The following HYCC1 variants were observed in gnomAD, a reference collection of about 807,000 sequenced individuals.
HYCC1 encodes the protein hyccin.
At chr7:22,973,881 C>A in the HYCC1 span, among the ~76,000 whole-genome samples, 1 of 152,240 alleles carries the variant, frequency 6.6e-6, no homozygotes, top group East Asian at 1.9e-4. Flanking sequence ...GACACATGTT[C>A]TTTTCTAACT....
the HYCC1 span, among the ~76,000 whole-genome samples, chr7:23,013,445 G>C: frequency 2.0e-5 from 3 of 152,228 alleles, no homozygotes; most frequent in African/African-American, 7.2e-5. Flanking sequence ...TGGCGGCCTC[G>C]CCGAAGTAGA....
At chr7:22,928,057 G>T in the HYCC1 span, among the ~76,000 whole-genome samples, 2 of 152,060 alleles carry the variant, frequency 1.3e-5, no homozygotes, top group Non-Finnish European at 2.9e-5. Flanking sequence ...ACGTAATCCA[G>T]CATATAAACA....
At chr7:22,896,885 G>C in the HYCC1 span, among the ~76,000 whole-genome samples, 5 of 152,126 alleles carry the variant, frequency 3.3e-5, no homozygotes, top group African/African-American at 1.2e-4. Flanking sequence ...TAAGAGATGG[G>C]GATTAAGGGG....
the HYCC1 span, among the ~76,000 whole-genome samples, chr7:22,926,458 T>G: frequency 4.6e-4 from 70 of 152,128 alleles, no homozygotes; most frequent in African/African-American, 1.6e-3. Context: ...CAGAGACACA[T>G]ATAGGCTCAA....
chr7:22,922,105 A>G, the HYCC1 span, among the ~76,000 whole-genome samples: 1 of 152,008 alleles, frequency 6.6e-6, no homozygotes, highest in African/African-American at 2.4e-5. Flanking sequence ...AAAACAAAAA[A>G]TCAAACGGCA....
the HYCC1 span, among the ~76,000 whole-genome samples, chr7:22,905,386 ATTTTTTTTTTTTTTT>A: frequency 5.4e-4 from 24 of 44,470 alleles, no homozygotes; most frequent in East Asian, 0.014. Context: ...CTAATTTTGT[ATTTTTTTTTTTTTTT>A]TTTTTTTTTT....
chr7:23,009,814 G>A, the HYCC1 span, among the ~76,000 whole-genome samples: 3 of 152,044 alleles, frequency 2.0e-5, no homozygotes, highest in Non-Finnish European at 2.9e-5. Flanking sequence ...ATATCCAAAG[G>A]GCAAGCAAAC....
the HYCC1 span, among the ~76,000 whole-genome samples, chr7:22,977,605 C>T: frequency 2.6e-5 from 4 of 152,094 alleles, no homozygotes; most frequent in African/African-American, 9.7e-5. Context: ...ACTGTACATC[C>T]TTCCACTTAA....
At chr7:22,977,305 G>T in the HYCC1 span, 1 of 1,263,416 alleles carries the variant, frequency 7.9e-7, no homozygotes, top group South Asian at 1.2e-5. Flanking sequence ...TCAAAGCTTA[G>T]GGTCAATAAA....
At chr7:22,898,977 G>A in the HYCC1 span, among the ~76,000 whole-genome samples, 5 of 152,292 alleles carry the variant, frequency 3.3e-5, no homozygotes, top group South Asian at 1.0e-3. Context: ...AGGTTTATGT[G>A]GTTGGTCCAA....
chr7:22,917,561 C>G, the HYCC1 span, among the ~76,000 whole-genome samples: 1 of 152,210 alleles, frequency 6.6e-6, no homozygotes, highest in Non-Finnish European at 1.5e-5. Flanking sequence ...TGGGTAGACA[C>G]TTTCACTGGA....
At chr7:23,012,935 G>GT in the HYCC1 span, among the ~76,000 whole-genome samples, 1 of 152,198 alleles carries the variant, frequency 6.6e-6, no homozygotes, top group Admixed American at 6.5e-5. Flanking sequence ...CCTACTGCCT[G>GT]TAGGGCAGTC....
the HYCC1 span, chr7:22,961,295 T>C: frequency 6.2e-7 from 1 of 1,602,252 alleles, no homozygotes. Context: ...CCAGTGCTTT[T>C]TGAGCTAGAT....
chr7:22,976,919 A>C, the HYCC1 span: 3 of 695,838 alleles, frequency 4.3e-6, no homozygotes, highest in Non-Finnish European at 7.6e-6. Context: ...ATATATCTTA[A>C]ACATATTTAG....
the HYCC1 span, among the ~76,000 whole-genome samples, chr7:22,968,198 G>C: frequency 6.6e-6 from 1 of 152,182 alleles, no homozygotes; most frequent in Non-Finnish European, 1.5e-5. Context: ...ATGTGATCAT[G>C]TGACTAAGTT....
the HYCC1 span, among the ~76,000 whole-genome samples, chr7:22,996,163 T>TCTGATGG: frequency 6.6e-6 from 1 of 151,754 alleles, no homozygotes; most frequent in East Asian, 1.9e-4. Flanking sequence ...CATGGTGGCA[T>TCTGATGG]GTGCAGGTGA....
At chr7:22,989,111 C>T in the HYCC1 span, among the ~76,000 whole-genome samples, 6 of 152,146 alleles carry the variant, frequency 3.9e-5, no homozygotes, top group Non-Finnish European at 4.4e-5. Flanking sequence ...CAACTCCCAT[C>T]TTAAAGAATG....
At chr7:23,008,353 A>C in the HYCC1 span, among the ~76,000 whole-genome samples, 1 of 152,016 alleles carries the variant, frequency 6.6e-6, no homozygotes, top group Non-Finnish European at 1.5e-5. Flanking sequence ...GGCAGAACCC[A>C]CATGAAGAAA....
the HYCC1 span, among the ~76,000 whole-genome samples, chr7:22,989,947 A>G: frequency 6.6e-6 from 1 of 152,238 alleles, no homozygotes; most frequent in African/African-American, 2.4e-5. Context: ...CTTGTTATCT[A>G]AAATCACAGA....
Sources: gnomAD v4.1 joint callset for allele counts (sites outside exome capture counted in the v4.1 genomes callset) on GRCh38, gnomAD v4.1.1 for gene constraint, MANE v1.5 for transcripts, NCBI Gene and HGNC (gene_info 2026-07-23, HGNC 2026-07-21) for gene names.